Variants in TRANK1 observed in about 807,000 individuals in gnomAD.
TRANK1 encodes the protein TPR and ankyrin repeat-containing protein 1.
A neutral mutation model predicts 266.0 loss-of-function variants in TRANK1; 198 were observed. The observed-to-expected ratio is 0.74, with a 90% CI of 0.66 to 0.84. TRANK1 has a LOEUF of 0.84. Among genes scored for constraint, TRANK1 ranks in the 40% least tolerant of loss-of-function variants. The probability of loss-of-function intolerance (pLI) is 0.00; values close to 1 mark genes in which losing one functional copy is unlikely to be tolerated. For synonymous variants in TRANK1, 1,396 were observed against 1,384.1 expected, an observed-to-expected ratio of 1.01 and a Z score of -0.19; for missense variants, 3,326 against 3,634.6, an observed-to-expected ratio of 0.92 and a Z score of 2.18.
intron 1 of TRANK1, among the ~76,000 whole-genome samples, chr3:36,935,260 T>C (rs2080409009): frequency 6.6e-6 from 1 of 152,152 alleles, no homozygotes; most frequent in Non-Finnish European, 1.5e-5. Context: ...CTGCTGCTCT[T>C]AACACACCTC....
At chr3:36,910,713 C>A (rs1284166398) in intron 1 of TRANK1, among the ~76,000 whole-genome samples, 1 of 151,804 alleles carries the variant, frequency 6.6e-6, no homozygotes, top group Non-Finnish European at 1.5e-5. Flanking sequence ...ACACTCCAGC[C>A]TGGGTGACAG....
chr3:36,839,074 C>G (rs1318259583), intron 18 of TRANK1, among the ~76,000 whole-genome samples: 4 of 152,232 alleles, frequency 2.6e-5, no homozygotes, highest in African/African-American at 9.6e-5. Flanking sequence ...CATGGAGCAA[C>G]TGGCCCAAAG....
In TRANK1 at chr3:36,828,452, A is replaced by C. The variant is rs577595483; in HGVS notation, c.8810-77T>G. On this transcript the variant is annotated intron_variant, in intron 23 of 23. Transcript: ENST00000645898. ...AGGGAAGGAAAGAAGGAAGGAAGGA[A>C]GGAAGGAAAGGAGGAAGGGAGGAAG... The C allele has an allele frequency of 4.1e-4, 399 of 967,336 alleles. 2 individuals carry two copies. The highest frequency in any genetic ancestry group is 2.5e-3 in the African/African-American group (156 of 61,838). 59.9% of individuals were successfully genotyped at this position (967,336 alleles called of 1,614,324 possible).
rs1488929810 is a variant in TRANK1 at position 36,889,888 on chromosome 3, C to G, written c.848G>C (p.Gly283Ala). The G allele has an allele frequency of 7.8e-6, 12 of 1,537,252 alleles. No individual in the cohort carries two copies. Among genetic ancestry groups the G allele is most frequent in the Middle Eastern group, 1.7e-4 (1 of 5,990 alleles). The change falls in exon 8 of 24, where the codon GGG becomes GCG. Residue 283 changes from glycine (G) to alanine (A), a missense_variant. By Grantham distance (60) the Gly-to-Ala change is moderately conservative. Coordinates refer to ENST00000645898, the MANE Select transcript of TRANK1 (RefSeq NM_001329998.2). ...EWKGRINQKDGDGCTVLHVVA... is the reference protein window; with the variant it reads ...EWKGRINQKDADGCTVLHVVA... Reference sequence around the variant, plus strand: ...GACGTGCAGGACAGTGCAGCCATCCCCATCCTTCTGGTTAATGCGGCCTTT... The same window carrying G: ...GACGTGCAGGACAGTGCAGCCATCCGCATCCTTCTGGTTAATGCGGCCTTT...
intron 1 of TRANK1, among the ~76,000 whole-genome samples, chr3:36,920,427 G>A (rs1340002672): frequency 6.6e-6 from 1 of 152,102 alleles, no homozygotes; most frequent in African/African-American, 2.4e-5. Context: ...CTTCCTAAGG[G>A]TCTGATGAGC....
At chr3:36,844,364 C>T (rs552938409) in intron 17 of TRANK1, among the ~76,000 whole-genome samples, 142 of 152,230 alleles carry the variant, frequency 9.3e-4, no homozygotes, top group African/African-American at 3.4e-3. Context: ...GTAGCTGGGA[C>T]TACAGGCATG....
At chr3:36,902,274 T>C (rs1406080489) in intron 3 of TRANK1, among the ~76,000 whole-genome samples, 1 of 152,234 alleles carries the variant, frequency 6.6e-6, no homozygotes, top group African/African-American at 2.4e-5. Flanking sequence ...GTCTACTTAT[T>C]ATGTAAAATA....
chr3:36,904,439 G>A (rs1258249611), intron 2 of TRANK1, among the ~76,000 whole-genome samples: 1 of 151,550 alleles, frequency 6.6e-6, no homozygotes, highest in Non-Finnish European at 1.5e-5. Flanking sequence ...AGAATCGTTT[G>A]AACCCAGGAG....
Position 36,942,482 on chromosome 3 carries a change from C to CAAA in TRANK1, c.23+2302_23+2304dup, listed in dbSNP as rs565174922. ...TGCAGCATCTTCCCTTCTTCTTCCT[C>CAAA]AAAAAAAAAAAAAAAAAAAAAAAAG... On this transcript the variant is annotated intron_variant, in intron 1 of 23. Transcript: ENST00000645898. Among the ~76,000 whole-genome samples, 505 of 79,840 alleles carry CAAA rather than the reference C, an allele frequency of 6.3e-3. 13 individuals carry two copies. The highest frequency in any genetic ancestry group is 0.054 in the East Asian group (133 of 2,458). 52.4% of individuals were successfully genotyped at this position (79,840 alleles called of 152,430 possible).
chr3:36,892,380 C>G, intron 6 of TRANK1, 40 bp from the exon 7 acceptor site: 1 of 1,535,080 alleles, frequency 6.5e-7, no homozygotes, highest in Non-Finnish European at 8.7e-7. Flanking sequence ...ATGGAAGTCA[C>G]TAATCAATAT....
At chr3:36,859,039 G>T in intron 11 of TRANK1, 145 bp from the exon 12 acceptor site, 2 of 1,050,524 alleles carry the variant, frequency 1.9e-6, no homozygotes, top group Non-Finnish European at 2.6e-6. Context: ...CACCCATTCT[G>T]GGAGGCAAAG....
chr3:36,879,609 AATATACAAAT>A (rs2079447770), intron 8 of TRANK1, among the ~76,000 whole-genome samples: 1 of 94,472 alleles, frequency 1.1e-5, no homozygotes, highest in Admixed American at 1.2e-4. Flanking sequence ...AATATATATA[AATATACAAAT>A]ATATATAAAT....
chr3:36,894,541 C>T (rs1198497154), intron 5 of TRANK1, among the ~76,000 whole-genome samples: 1 of 152,150 alleles, frequency 6.6e-6, no homozygotes. Context: ...AACCCTGCTG[C>T]CTGCCCTCCC....
In TRANK1 at chr3:36,833,553, C is replaced by G. The variant is rs2078727373; in HGVS notation, c.6030G>C (p.Lys2010Asn). 6.2e-7 allele frequency: 1 copy of G among 1,613,834 alleles called. No individual in the cohort carries two copies. The highest frequency in any genetic ancestry group is 1.7e-5 in the Admixed American group (1 of 60,004). The change falls in exon 22 of 24, where the codon AAG (lysine) becomes AAC (asparagine). Residue 2010 changes from lysine to asparagine, a missense_variant. Lys to Asn is a moderately conservative substitution (Grantham distance 94). Transcript: ENST00000645898. ...TATCAAGTGCTTCTCTCAGAATGTC[C>G]TTGGTGTGTTCTATGTCGGAATCCC... ...VARDSDIEHT[K>N]DILREALDIC... is the part of the protein sequence containing the mutation.
chr3:36,841,321 G>A (rs1471173243), intron 18 of TRANK1, among the ~76,000 whole-genome samples: 5 of 152,242 alleles, frequency 3.3e-5, no homozygotes, highest in African/African-American at 9.6e-5. Flanking sequence ...ACACTGAGGT[G>A]TAGAAAGAAA....
chr3:36,889,626 ATTC>A (rs1416521751), intron 8 of TRANK1, among the ~76,000 whole-genome samples, 200 bp downstream of exon 8: 5 of 152,198 alleles, frequency 3.3e-5, no homozygotes, highest in Non-Finnish European at 7.3e-5. Flanking sequence ...AAGCCCAGCA[ATTC>A]TTCTTTCTCT....
At chr3:36,930,455 A>C (rs894227897) in intron 1 of TRANK1, among the ~76,000 whole-genome samples, 2 of 152,164 alleles carry the variant, frequency 1.3e-5, no homozygotes, top group Non-Finnish European at 2.9e-5. Context: ...AAGCTAGCCC[A>C]CACTTCTAAC....
intron 9 of TRANK1, among the ~76,000 whole-genome samples, chr3:36,865,614 G>A (rs76147683): frequency 0.025 from 3,829 of 152,132 alleles, 71 homozygotes; most frequent in Non-Finnish European, 0.04. Context: ...GCTCACTCCT[G>A]TAATCCCAGC....
In TRANK1 at chr3:36,831,489, T is replaced by A; in HGVS notation, c.8094A>T (p.Ala2698=). The change falls in exon 22 of 24, where the codon GCA becomes GCT. Residue 2698 remains alanine, a synonymous_variant. Transcript: ENST00000645898. The surrounding 1 kb of genome is among the most constrained non-coding windows in gnomAD (Gnocchi z 5.0). Reference sequence around the variant, plus strand: ...CCAGGACGTGGTCTCGGTCTTCTAATGCCAGTTCATCCATCTCATCCTGGC... The same window carrying A: ...CCAGGACGTGGTCTCGGTCTTCTAAAGCCAGTTCATCCATCTCATCCTGGC... ...EFGQDEMDEL[A]LEDRDHVLAT... 2 of 1,613,346 alleles carry A rather than the reference T, an allele frequency of 1.2e-6. No homozygotes were observed. The highest frequency in any genetic ancestry group is 1.7e-6 in the Non-Finnish European group (2 of 1,179,636).
Sources: allele counts gnomAD v4.1 joint callset (sites outside exome capture counted in the v4.1 genomes callset), GRCh38; gene constraint gnomAD v4.1.1; non-coding constraint Gnocchi (gnomAD v3.1); transcripts MANE v1.5; gene names NCBI Gene and HGNC (gene_info 2026-07-23, HGNC 2026-07-21).